Variants in ORC1 observed in about 807,000 individuals in gnomAD.
The protein encoded by ORC1 is origin recognition complex, subunit 1 homolog.
ORC1 carries 61 observed loss-of-function variants against 98.9 expected under a neutral mutation model. The observed-to-expected ratio is 0.62, with a 90% CI of 0.50 to 0.76. The LOEUF (loss-of-function observed/expected upper bound fraction) is 0.76. Among genes scored for constraint, ORC1 ranks in the 30% least tolerant of loss-of-function variants. ORC1 has a pLI of 0.00. For synonymous variants in ORC1, 385 were observed against 406.9 expected, an observed-to-expected ratio of 0.95 and a Z score of 0.65; for missense variants, 979 against 1,072.2, an observed-to-expected ratio of 0.91 and a Z score of 1.21.
At position 52,384,732 on chromosome 1, in the gene ORC1, A is replaced by T. The variant is rs778808104; in HGVS notation, c.1584-11T>A. On this transcript the variant is annotated splice_polypyrimidine_tract_variant and intron_variant, in intron 10 of 16. Coordinates refer to ENST00000371568, the MANE Select transcript of ORC1 (RefSeq NM_004153.4). ...GAGATGTACATGCACCTAGAGCAAG[A>T]GAGGAAAACCCGTGGGGTAGGTCTC... The T allele has an allele frequency of 6.2e-7, 1 of 1,611,942 alleles. No homozygotes were observed. Among genetic ancestry groups the T allele is most frequent in the East Asian group, 2.2e-5 (1 of 44,798 alleles).
intron 1 of ORC1, among the ~76,000 whole-genome samples, chr1:52,403,607 A>G (rs1647836282): frequency 6.6e-6 from 1 of 152,222 alleles, no homozygotes; most frequent in African/African-American, 2.4e-5. Context: ...AGTTTCACAA[A>G]TAGATCAGGA....
intron 14 of ORC1, among the ~76,000 whole-genome samples, chr1:52,378,143 G>A (rs572142197): frequency 5.9e-5 from 9 of 152,108 alleles, no homozygotes; most frequent in African/African-American, 1.9e-4. Flanking sequence ...TCAGGAGATA[G>A]AGACCATCCT....
intron 5 of ORC1, among the ~76,000 whole-genome samples, chr1:52,395,450 T>G (rs1349248560): frequency 6.6e-6 from 1 of 152,148 alleles, no homozygotes; most frequent in African/African-American, 2.4e-5. Context: ...TAGTTTTGAC[T>G]CGAATTATAT....
At chr1:52,385,502 TG>T in intron 9 of ORC1, among the ~76,000 whole-genome samples, 1 of 152,172 alleles carries the variant, frequency 6.6e-6, no homozygotes, top group South Asian at 2.1e-4. Flanking sequence ...ATTCAGATTT[TG>T]CTTGATTTCT....
intron 2 of ORC1, among the ~76,000 whole-genome samples, chr1:52,401,728 T>C (rs959231747): frequency 2.6e-5 from 4 of 152,178 alleles, no homozygotes; most frequent in Non-Finnish European, 4.4e-5. Flanking sequence ...CTCTCAGTTA[T>C]TGACAAAGAA....
At chr1:52,383,178 C>T (rs1430536708) in intron 13 of ORC1, among the ~76,000 whole-genome samples, 3 of 151,952 alleles carry the variant, frequency 2.0e-5, no homozygotes, top group Non-Finnish European at 4.4e-5. Context: ...AAGCAATTCT[C>T]CTGCCTCAGC....
At position 52,398,787 on chromosome 1, in the gene ORC1, G is replaced by A. The variant is rs565468381; in HGVS notation, c.224-924C>T. On this transcript the variant is annotated intron_variant, in intron 3 of 16. Coordinates refer to ENST00000371568, the MANE Select transcript of ORC1 (RefSeq NM_004153.4). The stretch of plus-strand genomic sequence containing the variant: ...TTTTTAGTAGAGACGGGGTTTCACC[G>A]TGTTAGCCAGGACGGTCTCAATCTC... Among the ~76,000 whole-genome samples the A allele has an allele frequency of 9.3e-5, 14 of 150,928 alleles. No individual in the cohort carries two copies. In the South Asian group the frequency reaches 2.1e-3, roughly 23 times the overall value.
chr1:52,380,258 A>G (rs1275148215), intron 14 of ORC1, among the ~76,000 whole-genome samples: 2 of 152,252 alleles, frequency 1.3e-5, no homozygotes, highest in African/African-American at 4.8e-5. Flanking sequence ...TCACATGTTC[A>G]GAGCCAGCTG....
rs114164329 is a variant in ORC1, at chr1:52,374,989, A to G, written c.2304-92T>C. ...AGAAAACTTTTCTGTGTCTTTAGAAAAGAGAAAACCCGGGAAATAATTTCT... is the reference window on the plus strand; with the variant it reads ...AGAAAACTTTTCTGTGTCTTTAGAAGAGAGAAAACCCGGGAAATAATTTCT... On this transcript the variant is annotated intron_variant, in intron 15 of 16. Transcript: ENST00000371568. The G allele has an allele frequency of 8.4e-3, 6,636 of 791,920 alleles. 279 individuals carry two copies. In the African/African-American group the frequency reaches 0.093, roughly 11 times the overall value. The allele number at this position is 791,920 out of a possible 1,614,324, so 49.1% of individuals were successfully genotyped here.
intron 14 of ORC1, among the ~76,000 whole-genome samples, chr1:52,378,709 G>A (rs1006148807): frequency 4.0e-5 from 6 of 151,688 alleles, no homozygotes; most frequent in Admixed American, 2.6e-4. Context: ...AAAAGGAAGG[G>A]AAGCATCAGG....
In ORC1 at chr1:52,396,032, A is replaced by T. The variant is rs1260609571; in HGVS notation, c.721+14T>A. 5.6e-6 allele frequency: 9 copies of T among 1,614,176 alleles called. No homozygotes were observed. Among genetic ancestry groups the T allele is most frequent in the Non-Finnish European group, 7.6e-6 (9 of 1,180,024 alleles). ...GCCCCAGTATTGCCCACGGTGATCCATTCCACAACTTACTGCCAAGCTCCA... is the reference window on the plus strand; with the variant it reads ...GCCCCAGTATTGCCCACGGTGATCCTTTCCACAACTTACTGCCAAGCTCCA... On this transcript the variant is annotated intron_variant, in intron 5 of 16. Coordinates refer to ENST00000371568, the MANE Select transcript of ORC1 (RefSeq NM_004153.4).
At chr1:52,397,156 AT>A (rs1647442872) in intron 4 of ORC1, among the ~76,000 whole-genome samples, 1 of 152,218 alleles carries the variant, frequency 6.6e-6, no homozygotes, top group African/African-American at 2.4e-5. Flanking sequence ...CATAATCAGC[AT>A]ACAACCACAC....
In ORC1 at chr1:52,389,240, C is replaced by G. The variant is rs978345172; in HGVS notation, c.1164G>C (p.Met388Ile). 16 of 1,614,140 alleles carry G rather than the reference C, an allele frequency of 9.9e-6. No homozygotes were observed. The highest frequency in any genetic ancestry group is 1.3e-5 in the Non-Finnish European group (15 of 1,179,980). The change falls in exon 7 of 17, where the codon ATG (methionine) becomes ATC (isoleucine). Residue 388 changes from methionine to isoleucine, a missense_variant. Met to Ile is a conservative substitution (Grantham distance 10). Coordinates refer to ENST00000371568, the MANE Select transcript of ORC1 (RefSeq NM_004153.4). ...RIRRKSSVLT[M>I]NRIRQQLRFL... The stretch of plus-strand genomic sequence containing the variant: ...ACCGAAGCTGCTGCCTAATCCGATT[C>G]ATAGTCAAGACAGAACTCTTTCTGC...
In ORC1 at chr1:52,389,338, C is replaced by A. The variant is rs772128123; in HGVS notation, c.1083-17G>T. ...TTTGCATCCCTGCAAGAAACCACAGCGAGGTCACGGGAAGCAGTTTTGGAT... is the reference window on the plus strand; with the variant it reads ...TTTGCATCCCTGCAAGAAACCACAGAGAGGTCACGGGAAGCAGTTTTGGAT... On this transcript the variant is annotated splice_polypyrimidine_tract_variant and intron_variant, in intron 6 of 16. Transcript: ENST00000371568. The A allele has an allele frequency of 1.2e-4, 186 of 1,603,100 alleles. 6 individuals carry two copies. The South Asian group carries it at 1.6e-3, about 14-fold the overall frequency.
chr1:52,391,015 A>C (rs1189453348), intron 6 of ORC1, among the ~76,000 whole-genome samples: 1 of 151,990 alleles, frequency 6.6e-6, no homozygotes, highest in African/African-American at 2.4e-5. Flanking sequence ...ACCATAAAAA[A>C]TCTAGAAGAT....
rs564483379 is a variant in ORC1 at position 52,379,997 on chromosome 1, T to C, written c.2133+1645A>G. Reference sequence around the variant, plus strand: ...GCAAAGTTTAGCAAAAAGTCTCTGGTCCTAGGAATGCTAGGCATTATTGTA... The same window carrying C: ...GCAAAGTTTAGCAAAAAGTCTCTGGCCCTAGGAATGCTAGGCATTATTGTA... On this transcript the variant is annotated intron_variant, in intron 14 of 16. Transcript: ENST00000371568. Among the ~76,000 whole-genome samples, 16 of 152,224 alleles carry C rather than the reference T, an allele frequency of 1.1e-4. No homozygotes were observed. In the South Asian group the frequency reaches 3.3e-3, roughly 32 times the overall value.
upstream of ORC1, chr1:52,404,913 C>G (rs758760552): frequency 1.2e-6 from 2 of 1,609,050 alleles, no homozygotes; most frequent in Non-Finnish European, 1.7e-6. Flanking sequence ...CTCTCAGCCC[C>G]CTTGTGGCCC....
intron 14 of ORC1, among the ~76,000 whole-genome samples, chr1:52,378,099 C>T (rs1476358244): frequency 6.6e-6 from 1 of 152,108 alleles, no homozygotes; most frequent in South Asian, 2.1e-4. Context: ...GTAATCCCAG[C>T]ACTTTAGGAG....
At chr1:52,381,962 T>A (rs1254190351) in intron 13 of ORC1, among the ~76,000 whole-genome samples, 1 of 152,154 alleles carries the variant, frequency 6.6e-6, no homozygotes, top group Non-Finnish European at 1.5e-5. Flanking sequence ...ATTTTTTCAT[T>A]TCATTTAAGG....
Sources: allele counts gnomAD v4.1 joint callset (sites outside exome capture counted in the v4.1 genomes callset), GRCh38; gene constraint gnomAD v4.1.1; transcripts MANE v1.5; gene names NCBI Gene and HGNC (gene_info 2026-07-23, HGNC 2026-07-21).